Variants in ABCA9 observed in about 807,000 individuals in gnomAD.
The protein encoded by ABCA9 is ATP binding cassette subfamily A member 9.
Under a neutral mutation model 205.3 loss-of-function variants are expected in ABCA9, and 183 were observed. That is an observed-to-expected ratio of 0.89 (90% CI 0.79 to 1.01). ABCA9 has a LOEUF of 1.01. Ranked by LOEUF, ABCA9 falls within the 50% of genes least tolerant of loss-of-function variation. The pLI is 0.00. For missense variants in ABCA9, 1,805 were observed against 1,912.4 expected (o/e 0.94, Z 1.05); for synonymous variants, 651 against 683.3 (o/e 0.95, Z 0.74).
Position 68,999,605 on chromosome 17 carries a change from A to C in ABCA9, c.3436-3591T>G, listed in dbSNP as rs1439130667. The stretch of plus-strand genomic sequence containing the variant: ...TAAACATACGTGTGCATGTGTCTTT[A>C]TAGCAGCATGATTTATAGTCCTTTG... On this transcript the variant is annotated intron_variant, in intron 25 of 38. Coordinates refer to ENST00000340001, the MANE Select transcript of ABCA9 (RefSeq NM_080283.4). Among the ~76,000 whole-genome samples the C allele has an allele frequency of 5.9e-3, 884 of 150,284 alleles. 10 individuals are homozygous for C. Among genetic ancestry groups the C allele is most frequent in the African/African-American group, 0.021 (844 of 40,804 alleles).
At chr17:69,055,372 T>A (rs1012508222) in intron 1 of ABCA9, among the ~76,000 whole-genome samples, 1 of 151,798 alleles carries the variant, frequency 6.6e-6, no homozygotes, top group African/African-American at 2.4e-5. Flanking sequence ...TCAGATGGAG[T>A]AGAATTCTAA....
intron 21 of ABCA9, 117 bp from the exon 22 acceptor site, chr17:69,016,507 A>G: frequency 1.2e-6 from 1 of 846,822 alleles, no homozygotes; most frequent in Non-Finnish European, 1.7e-6. Context: ...CAAGCACTGA[A>G]TGTGATTAAT....
rs750128332 is a variant in ABCA9, at chr17:69,049,315, A to G, written c.272T>C (p.Met91Thr). The G allele has an allele frequency of 6.2e-7, 1 of 1,613,198 alleles. No individual in the cohort carries two copies. Among genetic ancestry groups the G allele is most frequent in the South Asian group, 1.1e-5 (1 of 90,984 alleles). The change falls in exon 3 of 39, where the codon ATG (methionine) becomes ACG (threonine). Residue 91 changes from methionine to threonine, a missense_variant. By Grantham distance (81) the Met-to-Thr change is moderately conservative. Coordinates refer to ENST00000340001, the MANE Select transcript of ABCA9 (RefSeq NM_080283.4). ...APESKTTQEI[M>T]NKVASAPFLK... ...GAATGGGGCTGAAGCCACTTTGTTC[A>G]TTATCTCTTGGGTAGTTTTGGATTC... is the stretch of plus-strand genomic sequence containing the variant.
At chr17:69,040,790 TATAG>T (rs1443560181) in intron 6 of ABCA9, among the ~76,000 whole-genome samples, 1 of 150,140 alleles carries the variant, frequency 6.7e-6, no homozygotes, top group Non-Finnish European at 1.5e-5. Context: ...CAATCCCCAA[TATAG>T]ATAATTAGAT....
At chr17:69,053,780 CTG>C (rs4020774) in intron 1 of ABCA9, among the ~76,000 whole-genome samples, 54,811 of 151,670 alleles carry the variant, frequency 0.36, 11,692 homozygotes, top group Non-Finnish European at 0.48. Flanking sequence ...ACAGTAATGA[CTG>C]AGAATTTCCC....
At chr17:69,043,827 T>A in intron 5 of ABCA9, 112 bp from the exon 6 acceptor site, 1 of 923,424 alleles carries the variant, frequency 1.1e-6, no homozygotes, top group Non-Finnish European at 1.6e-6. Context: ...TATTTTATGT[T>A]TATATGCCCT....
chr17:68,984,824 G>A (rs772727822), intron 34 of ABCA9, 61 bp downstream of exon 34: 4 of 1,594,086 alleles, frequency 2.5e-6, no homozygotes, highest in Non-Finnish European at 3.4e-6. Flanking sequence ...CAATGATTTT[G>A]CAGGCCAGTT....
At chr17:68,989,256 T>TCTCTCACA (rs138281321) in intron 30 of ABCA9, 138 bp from the exon 31 acceptor site, 37,761 of 240,044 alleles carry the variant, frequency 0.16, 3,435 homozygotes, top group Non-Finnish European at 0.2. Flanking sequence ...TCTCTCTCTC[T>TCTCTCACA]CACACACACA....
intron 1 of ABCA9, among the ~76,000 whole-genome samples, chr17:69,055,556 C>T (rs1170674647): frequency 6.6e-6 from 1 of 152,166 alleles, no homozygotes; most frequent in African/African-American, 2.4e-5. Context: ...TGAATCCACT[C>T]TTATAGTTGG....
chr17:68,976,208 T>C lies in ABCA9; in HGVS notation c.4721-18A>G, dbSNP rs747110393. On this transcript the variant is annotated intron_variant, in intron 37 of 38. Coordinates refer to ENST00000340001, the MANE Select transcript of ABCA9 (RefSeq NM_080283.4). ...CTGTTTAACTGCATAAGAATGAGCA[T>C]ACATTAGGAATTCTATTTTTTTTTT... is the stretch of plus-strand genomic sequence containing the variant. 11 of 1,608,280 alleles carry C rather than the reference T, an allele frequency of 6.8e-6. No individual in the cohort carries two copies. Among genetic ancestry groups the C allele is most frequent in the South Asian group, 1.1e-5 (1 of 89,932 alleles).
At chr17:68,983,365 G>T (rs2069125163) in intron 36 of ABCA9, among the ~76,000 whole-genome samples, 1 of 152,098 alleles carries the variant, frequency 6.6e-6, no homozygotes, top group African/African-American at 2.4e-5. Flanking sequence ...CTGATGCCTG[G>T]CACTCTGGCA....
chr17:69,077,241 T>A, the ABCA9 span, among the ~76,000 whole-genome samples: 5 of 152,188 alleles, frequency 3.3e-5, no homozygotes, highest in Non-Finnish European at 5.9e-5. Flanking sequence ...AAATTTTTTT[T>A]AATTTCTGCC....
chr17:69,040,458 A>G (rs923164588), intron 6 of ABCA9, among the ~76,000 whole-genome samples: 19 of 152,352 alleles, frequency 1.2e-4, no homozygotes, highest in African/African-American at 4.6e-4. Flanking sequence ...ACAGGAACAG[A>G]ACACCAAACA....
intron 37 of ABCA9, among the ~76,000 whole-genome samples, chr17:68,979,925 T>C (rs1463963498): frequency 2.0e-5 from 3 of 152,010 alleles, no homozygotes; most frequent in African/African-American, 7.3e-5. Context: ...AAAGACAAAA[T>C]TGACAAATGA....
intron 36 of ABCA9, among the ~76,000 whole-genome samples, 184 bp from the exon 37 acceptor site, chr17:68,982,825 G>A (rs2069103310): frequency 6.6e-6 from 1 of 152,104 alleles, no homozygotes; most frequent in African/African-American, 2.4e-5. Context: ...GGAAACAGAT[G>A]GAGATCCCAT....
intron 25 of ABCA9, among the ~76,000 whole-genome samples, chr17:68,999,801 T>G (rs1462084370): frequency 6.6e-6 from 1 of 151,716 alleles, no homozygotes; most frequent in Non-Finnish European, 1.5e-5. Flanking sequence ...GTTTCCTGAC[T>G]TTTTAATGAT....
At chr17:69,027,924 T>C in intron 12 of ABCA9, 109 bp from the exon 13 acceptor site, 1 of 892,448 alleles carries the variant, frequency 1.1e-6, no homozygotes, top group Non-Finnish European at 1.7e-6. Context: ...ATTTCAACAT[T>C]GTTTACTTGT....
At chr17:69,051,454 C>T in intron 1 of ABCA9, 1 of 272,846 alleles carries the variant, frequency 3.7e-6, no homozygotes, top group Non-Finnish European at 6.9e-6. Flanking sequence ...GAGAAAGGAA[C>T]TTTCCGCCTT....
chr17:69,016,119 T>C (rs564385604), intron 22 of ABCA9, 134 bp downstream of exon 22: 2,629 of 230,758 alleles, frequency 0.011, 65 homozygotes, highest in African/African-American at 0.061. Context: ...TATATATATA[T>C]ATATACACAC....
Sources: gnomAD v4.1 joint callset for allele counts (sites outside exome capture counted in the v4.1 genomes callset) on GRCh38, gnomAD v4.1.1 for gene constraint, MANE v1.5 for transcripts, NCBI Gene and HGNC (gene_info 2026-07-23, HGNC 2026-07-21) for gene names.